The following AGO1 variants were observed in gnomAD, a reference collection of about 807,000 sequenced individuals.
AGO1 encodes protein argonaute-1.
In AGO1, 11 loss-of-function variants were observed where a neutral mutation model predicts 109.2. The ratio of observed to expected loss-of-function variants is 0.10; its 90% CI spans 0.06 to 0.17. The LOEUF is 0.17. Among genes scored for constraint, AGO1 ranks in the 10% least tolerant of loss-of-function variants. AGO1 has a pLI of 1.00. For synonymous variants in AGO1, 422 were observed against 418.6 expected, an observed-to-expected ratio of 1.01 and a Z score of -0.10; for missense variants, 574 against 1,140.3, an observed-to-expected ratio of 0.50 and a Z score of 7.15.
chr1:35,879,734 CAAAAAAAAAAAA>C (rs71034705), upstream of AGO1, among the ~76,000 whole-genome samples: 4 of 57,500 alleles, frequency 7.0e-5, no homozygotes, highest in African/African-American at 1.7e-4. Context: ...GGTTCTGTCT[CAAAAAAAAAAAA>C]AAAAAAAAAA....
intron 17 of AGO1, 125 bp downstream of exon 17, chr1:35,918,548 T>G: frequency 1.1e-6 from 1 of 903,596 alleles, no homozygotes; most frequent in South Asian, 1.4e-5. Flanking sequence ...TTCTGTTTGT[T>G]CTGTTTTGTT....
At chr1:35,891,258 A>G (rs1277142197) in intron 2 of AGO1, among the ~76,000 whole-genome samples, 2 of 152,242 alleles carry the variant, frequency 1.3e-5, no homozygotes, top group East Asian at 3.8e-4. Context: ...ACTTTGATCT[A>G]GAAAGTGTGA....
chr1:35,900,154 A>G (rs1037073504), intron 8 of AGO1, among the ~76,000 whole-genome samples: 5 of 152,188 alleles, frequency 3.3e-5, no homozygotes, highest in Non-Finnish European at 5.9e-5. Context: ...GCCAACAGAG[A>G]CAGTGATAGC....
At chr1:35,914,822 C>T (rs1645705986) in intron 14 of AGO1, among the ~76,000 whole-genome samples, 1 of 152,170 alleles carries the variant, frequency 6.6e-6, no homozygotes, top group Admixed American at 6.5e-5. Flanking sequence ...CAGGGAAACC[C>T]TATAATATGC....
Position 35,902,019 on chromosome 1 carries a change from G to A in AGO1, c.1212G>A (p.Thr404=), listed in dbSNP as rs747545727. ...EFGIKVKDDM[T]EVTGRVLPAP... ...GGATCAAAGTGAAGGATGACATGAC[G>A]GAGGTGACAGGGCGAGTGCTGCCGG... The change falls in exon 10 of 19, where the codon ACG becomes ACA. Residue 404 remains threonine (T), a synonymous_variant. Transcript: ENST00000373204. 1.9e-5 allele frequency: 31 copies of A among 1,612,090 alleles called. No individual in the cohort carries two copies. Among genetic ancestry groups the A allele is most frequent in the Admixed American group, 1.3e-4 (8 of 59,592 alleles).
chr1:35,912,582 T>TA (rs1257827627), intron 12 of AGO1, among the ~76,000 whole-genome samples: 1 of 152,208 alleles, frequency 6.6e-6, no homozygotes, highest in Admixed American at 6.5e-5. Context: ...TTTTTTTATT[T>TA]ATTTTTCTGA....
In AGO1 at chr1:35,909,401, A is replaced by G. The variant is rs540596586; in HGVS notation, c.1582+2282A>G. Among the ~76,000 whole-genome samples the G allele has an allele frequency of 5.9e-5, 9 of 152,338 alleles. No homozygotes were observed. In the East Asian group the frequency reaches 1.7e-3, roughly 29 times the overall value. On this transcript the variant is annotated intron_variant, in intron 12 of 18. Transcript: ENST00000373204. ...TCTAAGCATCATGAATTAATTATAT[A>G]AAAAGCAGAATCTAGCACAGTGCCT...
chr1:35,897,850 C>G lies in AGO1; in HGVS notation c.1020+2581C>G, dbSNP rs645378. ...ATTGTACAACAGCCATCACCACTAT[C>G]TGATTCCAGAACATATCACTCCTGA... On this transcript the variant is annotated intron_variant, in intron 8 of 18. Transcript: ENST00000373204. Among the ~76,000 whole-genome samples the G allele has an allele frequency of 1.4e-3, 208 of 152,344 alleles. 2 individuals are homozygous for G. The highest frequency in any genetic ancestry group is 4.5e-3 in the African/African-American group (189 of 41,570).
At chr1:35,875,264 CTT>C (rs1644983827) in intron 1 of AGO1, among the ~76,000 whole-genome samples, 1 of 152,146 alleles carries the variant, frequency 6.6e-6, no homozygotes, top group Admixed American at 6.5e-5. Context: ...TAGCTGGTGA[CTT>C]TAAATTGAAA....
At chr1:35,875,702 G>T (rs1028151981) in intron 1 of AGO1, among the ~76,000 whole-genome samples, 4 of 152,076 alleles carry the variant, frequency 2.6e-5, no homozygotes, top group Non-Finnish European at 1.5e-5. Context: ...ATGAGCCACC[G>T]TGCCCAGCTG....
At position 35,919,797 on chromosome 1, in the gene AGO1, T is replaced by C. The variant is rs1645799213; in HGVS notation, c.*190T>C. ...AGCAAGACAGACCACCAGCCAGAAATCTCTGATATCAACCTCATGTCCCCC... is the reference window on the plus strand; with the variant it reads ...AGCAAGACAGACCACCAGCCAGAAACCTCTGATATCAACCTCATGTCCCCC... On this transcript the variant is annotated 3_prime_UTR_variant, in exon 19 of 19. Coordinates refer to ENST00000373204, the MANE Select transcript of AGO1 (RefSeq NM_012199.5). This position sits in a 1 kb window ranked among gnomAD's most constrained non-coding sequence, Gnocchi z 6.6. The C allele has an allele frequency of 5.2e-6, 3 of 577,346 alleles. No homozygotes were observed. The East Asian group carries it at 8.6e-5, about 17-fold the overall frequency. 35.8% of individuals were successfully genotyped at this position (577,346 alleles called of 1,614,324 possible). A position where few individuals can be genotyped will look rare whatever the true frequency, so the allele number is the denominator to read the frequency against.
intron 2 of AGO1, among the ~76,000 whole-genome samples, chr1:35,889,777 G>A (rs1402621021): frequency 6.6e-6 from 1 of 151,418 alleles, no homozygotes; most frequent in South Asian, 2.1e-4. Context: ...GGCAATTCTC[G>A]TGCCTCTGCC....
In AGO1 at chr1:35,893,505, A is replaced by C. The variant is rs1305583309; in HGVS notation, c.513-169A>C. On this transcript the variant is annotated intron_variant, in intron 4 of 18. Transcript: ENST00000373204. The surrounding 1 kb of genome is among the most constrained non-coding windows in gnomAD (Gnocchi z 5.6). Reference sequence around the variant, plus strand: ...CATCCCATCTGTCCCTGCAGGGCAGAGAGAAGGTAGAAACTTGTACAAGGT... The same window carrying C: ...CATCCCATCTGTCCCTGCAGGGCAGCGAGAAGGTAGAAACTTGTACAAGGT... 3 of 840,002 alleles carry C rather than the reference A, an allele frequency of 3.6e-6. No homozygotes were observed. The highest frequency in any genetic ancestry group is 5.4e-6 in the Non-Finnish European group (3 of 556,866). 52.0% of individuals were successfully genotyped at this position (840,002 alleles called of 1,614,324 possible).
At chr1:35,879,372 C>T (rs1223073938), upstream of AGO1, among the ~76,000 whole-genome samples, 2 of 151,748 alleles carry the variant, frequency 1.3e-5, no homozygotes, top group East Asian at 1.9e-4. Flanking sequence ...CGCTTGAACC[C>T]GGGAGGTGGA....
In AGO1 at chr1:35,883,570, GC is replaced by G; in HGVS notation, c.25+127del. ...GGAGAAGGGCTCTCCCACGATGGGGGCCCAGTTTGAAGGAGGCTGTGTGCAG... is the reference window on the plus strand; with the variant it reads ...GGAGAAGGGCTCTCCCACGATGGGGGCCAGTTTGAAGGAGGCTGTGTGCAG... On this transcript the variant is annotated intron_variant, in intron 1 of 18. Coordinates refer to ENST00000373204, the MANE Select transcript of AGO1 (RefSeq NM_012199.5). This position sits in a 1 kb window ranked among gnomAD's most constrained non-coding sequence, Gnocchi z 5.4. 7.3e-7 allele frequency: 1 copy of G among 1,363,806 alleles called. No individual in the cohort carries two copies. Among genetic ancestry groups the G allele is most frequent in the Non-Finnish European group, 9.6e-7 (1 of 1,047,028 alleles). 84.5% of individuals were successfully genotyped at this position (1,363,806 alleles called of 1,614,324 possible).
intron 1 of AGO1, among the ~76,000 whole-genome samples, chr1:35,885,371 C>G (rs770848552): frequency 6.6e-6 from 1 of 152,012 alleles, no homozygotes; most frequent in Non-Finnish European, 1.5e-5. Flanking sequence ...AAATTTGTTA[C>G]AAAAAATAAG....
upstream of AGO1, chr1:35,869,805 C>T (rs954607501): frequency 6.6e-6 from 1 of 152,102 alleles, no homozygotes; most frequent in Admixed American, 6.6e-5. Flanking sequence ...AGAGGGAAGC[C>T]CGTGAGGCAA....
chr1:35,914,032 C>A (rs563513405), intron 13 of AGO1, 31 bp downstream of exon 13: 3 of 1,613,018 alleles, frequency 1.9e-6, no homozygotes, highest in Admixed American at 3.3e-5. Flanking sequence ...TTGCCCTTGT[C>A]AAGGTACCAT....
At chr1:35,917,527 A>G (rs1206194019) in intron 15 of AGO1, 66 bp from the exon 16 acceptor site, 5 of 1,549,630 alleles carry the variant, frequency 3.2e-6, no homozygotes, top group South Asian at 1.2e-5. Context: ...CTTAGTTCAG[A>G]AGGGTATGTG....
Sources: gnomAD v4.1 joint callset for allele counts (sites outside exome capture counted in the v4.1 genomes callset) on GRCh38, gnomAD v4.1.1 for gene constraint, Gnocchi (gnomAD v3.1) non-coding constraint, MANE v1.5 for transcripts, NCBI Gene and HGNC (gene_info 2026-07-23, HGNC 2026-07-21) for gene names.